Variants in GCC2 observed in about 807,000 individuals in gnomAD.
GCC2 encodes the protein GRIP and coiled-coil domain-containing protein 2.
In GCC2, 120 loss-of-function variants were observed where a neutral mutation model predicts 210.6. The ratio of observed to expected loss-of-function variants is 0.57; its 90% CI spans 0.49 to 0.66. The LOEUF is 0.66. GCC2 is among the 30% of genes least tolerant of loss of function. The pLI, the probability that GCC2 is intolerant of heterozygous loss-of-function variation, is 0.00. For missense variants in GCC2, 1,868 were observed against 1,871.9 expected (o/e 1.00, Z 0.04); for synonymous variants, 703 against 652.7 (o/e 1.08, Z -1.17).
Position 108,487,658 on chromosome 2 carries a change from T to C in GCC2, c.3931-41T>C, listed in dbSNP as rs752289937. 5 of 1,562,022 alleles carry C rather than the reference T, an allele frequency of 3.2e-6. No individual in the cohort carries two copies. The South Asian group carries it at 6.0e-5, about 19-fold the overall frequency. On this transcript the variant is annotated intron_variant, in intron 16 of 22. Transcript: ENST00000309863. Reference sequence around the variant, plus strand: ...TCTCTGAAAGAAAATAGAAGGACCCTGTTACAGTAGAAAAACGTTTCTCTC... The same window carrying C: ...TCTCTGAAAGAAAATAGAAGGACCCCGTTACAGTAGAAAAACGTTTCTCTC...
chr2:108,472,620 T>A (rs78075253), intron 6 of GCC2, among the ~76,000 whole-genome samples: 24 of 151,760 alleles, frequency 1.6e-4, no homozygotes, highest in Admixed American at 1.2e-3. Flanking sequence ...TTTTTTTTTT[T>A]AATAGTAAAT....
chr2:108,449,473 A>T (rs1218324165), intron 1 of GCC2, among the ~76,000 whole-genome samples, 160 bp from the exon 2 acceptor site: 2 of 152,170 alleles, frequency 1.3e-5, no homozygotes, highest in Non-Finnish European at 2.9e-5. Context: ...TTGTGTACGA[A>T]TTGCCACAGC....
At chr2:108,469,423 G>T in intron 5 of GCC2, 1 of 458,544 alleles carries the variant, frequency 2.2e-6, no homozygotes, top group East Asian at 3.5e-5. Context: ...TGCCTATTAG[G>T]TCTGGGCTAA....
Position 108,466,617 on chromosome 2 carries a change from C to T in GCC2, c.217-2363C>T, listed in dbSNP as rs897156252. Among the ~76,000 whole-genome samples the T allele has an allele frequency of 9.9e-5, 15 of 151,964 alleles. No homozygotes were observed. In the East Asian group the frequency reaches 1.9e-3, roughly 20 times the overall value. ...CCTCCCGAGTAGCTGGGAGTACAGGCGCCCACCACCACACCTGACTAATTT... is the reference window on the plus strand; with the variant it reads ...CCTCCCGAGTAGCTGGGAGTACAGGTGCCCACCACCACACCTGACTAATTT... On this transcript the variant is annotated intron_variant, in intron 4 of 22. Coordinates refer to ENST00000309863, the MANE Select transcript of GCC2 (RefSeq NM_181453.4).
chr2:108,491,808 T>C (rs540163284), intron 18 of GCC2, among the ~76,000 whole-genome samples: 5 of 151,528 alleles, frequency 3.3e-5, no homozygotes, highest in Non-Finnish European at 5.9e-5. Flanking sequence ...AAGCCAAACA[T>C]ATAAAACATG....
intron 22 of GCC2, among the ~76,000 whole-genome samples, chr2:108,506,201 T>C (rs1222552532): frequency 2.6e-5 from 4 of 152,330 alleles, no homozygotes; most frequent in Non-Finnish European, 5.9e-5. Flanking sequence ...TTCTTTAAAA[T>C]TGCTAAAAAC....
intron 9 of GCC2, among the ~76,000 whole-genome samples, chr2:108,476,531 A>G (rs1455944225): frequency 6.6e-6 from 1 of 152,234 alleles, no homozygotes; most frequent in Non-Finnish European, 1.5e-5. Context: ...TGGAGGCAAT[A>G]TGCTTATTCA....
rs370623394 is a variant in GCC2 at position 108,471,846 on chromosome 2, G to T, written c.2517G>T (p.Glu839Asp). ...LKSLLRDYEQEKVLLRKELEE... is the reference protein window; with the variant it reads ...LKSLLRDYEQDKVLLRKELEE... The stretch of plus-strand genomic sequence containing the variant: ...CTTTATTGAGAGACTATGAGCAAGA[G>T]AAAGTTCTCTTAAGGAAAGAGTTAG... Residue 839 changes from glutamate to aspartate, a missense_variant, in exon 6 of 23, where the codon GAG (glutamate) becomes GAT (aspartate). Physicochemically the swap from Glu to Asp is conservative, Grantham distance 45 (BLOSUM62 2). Coordinates refer to ENST00000309863, the MANE Select transcript of GCC2 (RefSeq NM_181453.4). 1.9e-6 allele frequency: 3 copies of T among 1,613,450 alleles called. No homozygotes were observed. In the Admixed American group the frequency reaches 5.0e-5, roughly 27 times the overall value.
At chr2:108,483,736 A>AT (rs1478774372) in intron 12 of GCC2, among the ~76,000 whole-genome samples, 1 of 152,208 alleles carries the variant, frequency 6.6e-6, no homozygotes. Context: ...TGTATGACAC[A>AT]TTAAGATTTA....
chr2:108,457,362 C>G (rs1680328377), intron 4 of GCC2, among the ~76,000 whole-genome samples: 1 of 152,026 alleles, frequency 6.6e-6, no homozygotes. Context: ...TGTTTATATA[C>G]CAATACTTTG....
At chr2:108,479,980 C>CA (rs200934785) in intron 9 of GCC2, among the ~76,000 whole-genome samples, 1,723 of 114,342 alleles carry the variant, frequency 0.015, 168 homozygotes, top group African/African-American at 0.029. Flanking sequence ...GACTCCATCT[C>CA]AAAAAAAAAA....
rs1262575301 is a variant in GCC2, at chr2:108,466,780, G to A, written c.217-2200G>A. Among the ~76,000 whole-genome samples, 6 of 152,108 alleles carry A rather than the reference G, an allele frequency of 3.9e-5. No homozygotes were observed. In the South Asian group the frequency reaches 8.3e-4, roughly 21 times the overall value. ...AGCTACCTGCACCCGGCCAGCTTAT[G>A]GTTTCTTGAGTTTAAAGCTGTGTTT... is the stretch of plus-strand genomic sequence containing the variant. On this transcript the variant is annotated intron_variant, in intron 4 of 22. Coordinates refer to ENST00000309863, the MANE Select transcript of GCC2 (RefSeq NM_181453.4).
chr2:108,488,788 G>A (rs1281983618), intron 17 of GCC2, among the ~76,000 whole-genome samples: 2 of 152,226 alleles, frequency 1.3e-5, no homozygotes, highest in East Asian at 3.9e-4. Context: ...TTCTAAACAA[G>A]ACTAATTATT....
chr2:108,481,902 T>A, intron 10 of GCC2, 86 bp downstream of exon 10: 1 of 1,025,074 alleles, frequency 9.8e-7, no homozygotes, highest in Non-Finnish European at 1.4e-6. Context: ...TTAAAAAATA[T>A]AGTCGGAAAC....
intron 9 of GCC2, among the ~76,000 whole-genome samples, chr2:108,479,186 A>T (rs1466050402): frequency 1.3e-5 from 2 of 152,080 alleles, no homozygotes; most frequent in African/African-American, 2.4e-5. Flanking sequence ...AATAAGCCAG[A>T]TTCTAGATTC....
At chr2:108,506,246 G>A (rs984595436) in intron 22 of GCC2, among the ~76,000 whole-genome samples, 2 of 152,180 alleles carry the variant, frequency 1.3e-5, no homozygotes, top group African/African-American at 4.8e-5. Flanking sequence ...ACTGGCAAAT[G>A]AATAAACTGG....
intron 9 of GCC2, among the ~76,000 whole-genome samples, chr2:108,477,034 A>G (rs1681574230): frequency 1.3e-5 from 2 of 152,208 alleles, no homozygotes; most frequent in South Asian, 4.1e-4. Flanking sequence ...TATTTGAACT[A>G]TCAGTTCTCA....
chr2:108,496,228 T>G (rs903404190), intron 20 of GCC2: 1 of 151,938 alleles, frequency 6.6e-6, no homozygotes, highest in Non-Finnish European at 1.5e-5. Context: ...TTTCAGTTTA[T>G]TCCTCTTGAT....
intron 4 of GCC2, among the ~76,000 whole-genome samples, chr2:108,463,640 G>A (rs1680719042): frequency 6.6e-6 from 1 of 152,156 alleles, no homozygotes; most frequent in African/African-American, 2.4e-5. Context: ...TGTGTCTGCT[G>A]GCACCAGTGT....
Sources: allele counts gnomAD v4.1 joint callset (sites outside exome capture counted in the v4.1 genomes callset), GRCh38; gene constraint gnomAD v4.1.1; transcripts MANE v1.5; gene names NCBI Gene and HGNC (gene_info 2026-07-23, HGNC 2026-07-21).